The following COXFA4 variants were observed in gnomAD, a reference collection of about 807,000 sequenced individuals.
COXFA4 encodes cytochrome c oxidase subunit FA4.
chr7:10,933,566 T>A, the COXFA4 span: 1 of 1,212,030 alleles, frequency 8.3e-7, no homozygotes, highest in Non-Finnish European at 1.2e-6. Flanking sequence ...CCTGGTTAAG[T>A]GGAAAATTGT....
the COXFA4 span, chr7:10,938,844 T>G: frequency 2.4e-5 from 39 of 1,613,832 alleles, no homozygotes; most frequent in South Asian, 4.0e-4. Flanking sequence ...ACGCAAGAGA[T>G]ACAGTGTTGC....
the COXFA4 span, chr7:10,938,668 C>A: frequency 3.1e-6 from 2 of 648,170 alleles, no homozygotes; most frequent in South Asian, 3.6e-5. Context: ...ATGAAAACAG[C>A]AGATTTGAGA....
chr7:10,932,587 T>G, the COXFA4 span: 3 of 152,336 alleles, frequency 2.0e-5, no homozygotes, highest in South Asian at 6.2e-4. Context: ...TTCCTCAAGT[T>G]TCTATGATGT....
the COXFA4 span, chr7:10,933,604 T>C: frequency 6.3e-7 from 1 of 1,582,880 alleles, no homozygotes; most frequent in Non-Finnish European, 8.6e-7. Flanking sequence ...AAGACCTTCA[T>C]TCTAAAGCAG....
At chr7:10,940,069 A>G in the COXFA4 span, 3 of 1,613,566 alleles carry the variant, frequency 1.9e-6, no homozygotes, top group Non-Finnish European at 2.5e-6. Flanking sequence ...TTTGCGGCAG[A>G]GGTCTCCGAC....
chr7:10,936,503 T>C, the COXFA4 span, among the ~76,000 whole-genome samples: 3 of 152,230 alleles, frequency 2.0e-5, no homozygotes, highest in Non-Finnish European at 4.4e-5. Flanking sequence ...TGTGGAATTA[T>C]TTTCTCTGGA....
chr7:10,935,963 G>C, the COXFA4 span, among the ~76,000 whole-genome samples: 6 of 152,276 alleles, frequency 3.9e-5, no homozygotes, highest in South Asian at 4.1e-4. Flanking sequence ...AGAAGCAAAA[G>C]AACGGAGGGA....
At chr7:10,932,200 T>G in the COXFA4 span, 3 of 152,174 alleles carry the variant, frequency 2.0e-5, no homozygotes, top group Non-Finnish European at 4.4e-5. Context: ...AGTTAGCTAC[T>G]AAACAAGCTA....
chr7:10,937,522 A>C, the COXFA4 span, among the ~76,000 whole-genome samples: 3 of 152,094 alleles, frequency 2.0e-5, no homozygotes, highest in African/African-American at 7.2e-5. Context: ...ATCTCAAGTG[A>C]TCTGCCCGCC....
the COXFA4 span, among the ~76,000 whole-genome samples, chr7:10,934,848 G>A: frequency 6.6e-6 from 1 of 152,100 alleles, no homozygotes; most frequent in African/African-American, 2.4e-5. Flanking sequence ...AGTATTCTTT[G>A]TTCTGACAGT....
chr7:10,939,901 T>C, the COXFA4 span: 1 of 1,163,030 alleles, frequency 8.6e-7, no homozygotes. Flanking sequence ...AGGCAGGGTC[T>C]GGTCTGACGG....
the COXFA4 span, chr7:10,938,455 T>C: frequency 1.2e-5 from 5 of 429,576 alleles, no homozygotes; most frequent in African/African-American, 5.9e-5. Flanking sequence ...AATCTTTTGA[T>C]TGTCTATTGT....
the COXFA4 span, chr7:10,932,044 T>C: frequency 6.6e-6 from 1 of 152,252 alleles, no homozygotes; most frequent in Non-Finnish European, 1.5e-5. Flanking sequence ...AGGTAATTTG[T>C]GCCAAAGGAT....
At chr7:10,937,939 A>G in the COXFA4 span, 3 of 659,474 alleles carry the variant, frequency 4.5e-6, no homozygotes, top group Non-Finnish European at 8.2e-6. Context: ...AGAGCAATAT[A>G]CCATTTTCAT....
the COXFA4 span, chr7:10,938,025 C>G: frequency 3.7e-5 from 52 of 1,391,032 alleles, no homozygotes; most frequent in South Asian, 5.6e-4. Flanking sequence ...TCAAGAAAAC[C>G]CACCCCATGA....
At chr7:10,937,446 CTAATTTTTGTATTTTTAG>C in the COXFA4 span, among the ~76,000 whole-genome samples, 4 of 151,962 alleles carry the variant, frequency 2.6e-5, no homozygotes, top group Non-Finnish European at 4.4e-5. Flanking sequence ...CCATGCCCAG[CTAATTTTTGTATTTTTAG>C]TAGAGATGGG....
chr7:10,939,826 C>T, the COXFA4 span: 1 of 723,120 alleles, frequency 1.4e-6, no homozygotes, highest in Non-Finnish European at 2.5e-6. Context: ...TCAGACAAAA[C>T]CCCACAATGC....
chr7:10,932,206 A>C, the COXFA4 span: 7 of 152,200 alleles, frequency 4.6e-5, no homozygotes, highest in African/African-American at 1.7e-4. Flanking sequence ...CTACTAAACA[A>C]GCTAAAGCGC....
chr7:10,937,298 T>C, the COXFA4 span, among the ~76,000 whole-genome samples: 1 of 151,990 alleles, frequency 6.6e-6, no homozygotes, highest in Non-Finnish European at 1.5e-5. Flanking sequence ...GGGTTTTTTT[T>C]TTTAGACAGA....
Sources: gnomAD v4.1 joint callset for allele counts (sites outside exome capture counted in the v4.1 genomes callset) on GRCh38, gnomAD v4.1.1 for gene constraint, MANE v1.5 for transcripts, NCBI Gene and HGNC (gene_info 2026-07-23, HGNC 2026-07-21) for gene names.